The following YBX3 variants were observed in gnomAD, a reference collection of about 807,000 sequenced individuals.
The protein encoded by YBX3 is Y-box binding protein 3.
YBX3 carries 29 observed loss-of-function variants against 42.4 expected under a neutral mutation model. The observed-to-expected ratio is 0.68, with a 90% CI of 0.51 to 0.93. The LOEUF is 0.93. Ranked by LOEUF, YBX3 falls within the 40% of genes least tolerant of loss-of-function variation. YBX3 has a pLI of 0.00. For synonymous variants in YBX3, 195 were observed against 189.8 expected (o/e 1.03, Z -0.22); for missense variants, 517 against 527.5 (o/e 0.98, Z 0.19).
intron 1 of YBX3, among the ~76,000 whole-genome samples, chr12:10,721,603 T>C (rs1274838036): frequency 6.6e-6 from 1 of 152,058 alleles, no homozygotes; most frequent in Non-Finnish European, 1.5e-5. Flanking sequence ...ACAATTAGCA[T>C]GTTGTTTGGT....
chr12:10,703,006 A>G (rs1159158575), intron 7 of YBX3: 1 of 152,198 alleles, frequency 6.6e-6, no homozygotes, highest in African/African-American at 2.4e-5. Context: ...CCAAGATCAC[A>G]TATCCAGGGA....
Position 10,703,913 on chromosome 12 carries a change from T to C in YBX3, c.878+138A>G, listed in dbSNP as rs147803692. 1.3e-3 allele frequency: 989 copies of C among 741,364 alleles called. 4 individuals are homozygous for C. The African/African-American group carries it at 0.016, about 12-fold the overall frequency. 45.9% of individuals were successfully genotyped at this position (741,364 alleles called of 1,614,324 possible). A position where few individuals can be genotyped will look rare whatever the true frequency, so the allele number is the denominator to read the frequency against. On this transcript the variant is annotated intron_variant, in intron 7 of 9. Coordinates refer to ENST00000228251, the MANE Select transcript of YBX3 (RefSeq NM_003651.5). ...AGGTGGGAAATGTCACACCACCACC[T>C]GAAAACTCTGGCATGTAGTCAAAGC...
chr12:10,702,232 T>G (rs1184805583), intron 7 of YBX3, 98 bp from the exon 8 acceptor site: 11 of 1,279,904 alleles, frequency 8.6e-6, no homozygotes, highest in Non-Finnish European at 1.0e-5. Context: ...AAAAGTCAAG[T>G]GATCAGGGCC....
At chr12:10,718,513 C>T (rs1948288815) in intron 2 of YBX3, 2 of 182,244 alleles carry the variant, frequency 1.1e-5, no homozygotes, top group Non-Finnish European at 2.2e-5. Flanking sequence ...TAAAACAGCC[C>T]CCCACCCCCA....
intron 2 of YBX3, 172 bp from the exon 3 acceptor site, chr12:10,718,293 C>T (rs1948285881): frequency 9.7e-6 from 5 of 513,678 alleles, no homozygotes; most frequent in Admixed American, 7.5e-5. Context: ...TTTCTAACTC[C>T]ACAGGCCACC....
chr12:10,712,971 A>C (rs1948216373), intron 5 of YBX3: 1 of 470,616 alleles, frequency 2.1e-6, no homozygotes, highest in Non-Finnish European at 3.6e-6. Context: ...AAATCTCAGA[A>C]ATCACCACTA....
chr12:10,702,135 C>A lies in YBX3; in HGVS notation c.879-1G>T. Reference sequence around the variant, plus strand: ...AGGTCGTGGGCGAGGAGGTCCCCTGCTGTAGGGAACACAGAAGAAAATAGA... The same window carrying A: ...AGGTCGTGGGCGAGGAGGTCCCCTGATGTAGGGAACACAGAAGAAAATAGA... On this transcript the variant is annotated splice_acceptor_variant, in intron 7 of 9. Transcript: ENST00000228251. LOFTEE classifies it high-confidence loss of function. 1.9e-6 allele frequency: 3 copies of A among 1,612,758 alleles called. No homozygotes were observed. Among genetic ancestry groups the A allele is most frequent in the African/African-American group, 1.3e-5 (1 of 74,966 alleles).
rs536926056 is a variant in YBX3, at chr12:10,721,935, T to C, written c.262+915A>G. The stretch of plus-strand genomic sequence containing the variant: ...TTACTTACGAAAAGAACGCTTGTTA[T>C]GTGACTAAACCAACAACCATCACAG... On this transcript the variant is annotated intron_variant, in intron 1 of 9. Transcript: ENST00000228251. The C allele has an allele frequency of 1.6e-4, 24 of 152,392 alleles. 1 individual carries two copies. Among genetic ancestry groups the C allele is most frequent in the African/African-American group, 5.0e-4 (21 of 41,594 alleles). The allele number at this position is 152,392 out of a possible 1,614,324, so 9.4% of individuals were successfully genotyped here.
chr12:10,714,088 CA>C (rs1255138308), intron 4 of YBX3, among the ~76,000 whole-genome samples: 13 of 152,166 alleles, frequency 8.5e-5, no homozygotes, highest in Admixed American at 1.3e-4. Flanking sequence ...GATGGGATAT[CA>C]GAGATCCTCA....
Position 10,723,022 on chromosome 12 carries a change from G to A in YBX3, c.90C>T (p.Pro30=). Residue 30 remains proline (P), a synonymous_variant, in exon 1 of 10, where the codon CCC becomes CCT. Transcript: ENST00000228251. ...CGCTGCCCACCGGGCTCTTGGGCGC[G>A]GGGTCCTGGGGAGCCGCGGCGGCCG... ...TEAAAAAPQD[P]APKSPVGSGA... is the part of the protein sequence containing the mutation. 8.3e-7 allele frequency: 1 copy of A among 1,202,444 alleles called. No individual in the cohort carries two copies. The highest frequency in any genetic ancestry group is 4.1e-5 in the South Asian group (1 of 24,218). 74.5% of individuals were successfully genotyped at this position (1,202,444 alleles called of 1,614,324 possible). A position where few individuals can be genotyped will look rare whatever the true frequency, so the allele number is the denominator to read the frequency against.
At chr12:10,714,857 G>A (rs889916480) in intron 4 of YBX3, among the ~76,000 whole-genome samples, 2 of 151,434 alleles carry the variant, frequency 1.3e-5, no homozygotes, top group Admixed American at 6.6e-5. Context: ...AGGTTCAAAC[G>A]ATTCTCCTGC....
chr12:10,723,294 T>TCG lies in YBX3; in HGVS notation c.-184_-183insCG, dbSNP rs1948358957. The TCG allele has an allele frequency of 5.0e-6, 5 of 994,722 alleles. No individual in the cohort carries two copies. The highest frequency in any genetic ancestry group is 6.3e-6 in the Non-Finnish European group (5 of 790,952). 61.6% of individuals were successfully genotyped at this position (994,722 alleles called of 1,614,324 possible). A position where few individuals can be genotyped will look rare whatever the true frequency, so the allele number is the denominator to read the frequency against. ...GCGGCTCGAGCTTCGTGCTGCGCGC[T>TCG]CTCTCTTGGGCTCCTCGCTCGATCT... On this transcript the variant is annotated 5_prime_UTR_variant, in exon 1 of 10. Coordinates refer to ENST00000228251, the MANE Select transcript of YBX3 (RefSeq NM_003651.5).
In YBX3 at chr12:10,701,389, T is replaced by A. The variant is rs925702039; in HGVS notation, c.1054-36A>T. The stretch of plus-strand genomic sequence containing the variant: ...AAACAAAGCCATAAATCAGATAAAG[T>A]CAGATGACAGTGGAAAGTTCAAGAC... On this transcript the variant is annotated intron_variant, in intron 8 of 9. Transcript: ENST00000228251. 11 of 779,984 alleles carry A rather than the reference T, an allele frequency of 1.4e-5. No individual in the cohort carries two copies. The African/African-American group carries it at 1.5e-4, about 11-fold the overall frequency. 48.3% of individuals were successfully genotyped at this position (779,984 alleles called of 1,614,324 possible).
At chr12:10,705,585 A>C (rs1047946753) in intron 6 of YBX3, among the ~76,000 whole-genome samples, 3 of 152,204 alleles carry the variant, frequency 2.0e-5, no homozygotes, top group African/African-American at 7.2e-5. Flanking sequence ...GCCATTACTG[A>C]TAATGTTCAC....
chr12:10,720,493 G>A (rs766053474), intron 1 of YBX3, among the ~76,000 whole-genome samples: 11 of 150,526 alleles, frequency 7.3e-5, no homozygotes, highest in African/African-American at 1.2e-4. Flanking sequence ...GCCATCTTAC[G>A]TTTGAGGCCA....
At chr12:10,722,328 C>G (rs920053671) in intron 1 of YBX3, 4 of 152,464 alleles carry the variant, frequency 2.6e-5, no homozygotes, top group African/African-American at 7.2e-5. Flanking sequence ...CCTGACCCTT[C>G]CTGGCAAGAA....
chr12:10,723,262 G>C lies in YBX3; in HGVS notation c.-151C>G. 1 of 1,139,590 alleles carries C rather than the reference G, an allele frequency of 8.8e-7. No homozygotes were observed. Among genetic ancestry groups the C allele is most frequent in the Non-Finnish European group, 1.1e-6 (1 of 921,842 alleles). 70.6% of individuals were successfully genotyped at this position (1,139,590 alleles called of 1,614,324 possible). ...GGCGGCGGCCGAGGTGGGGTCGCGC[G>C]GCGGAGGCGGCTCGAGCTTCGTGCT... On this transcript the variant is annotated 5_prime_UTR_variant, in exon 1 of 10. Coordinates refer to ENST00000228251, the MANE Select transcript of YBX3 (RefSeq NM_003651.5).
chr12:10,701,407 T>C lies in YBX3; in HGVS notation c.1054-54A>G, dbSNP rs1017788552. 27 of 769,330 alleles carry C rather than the reference T, an allele frequency of 3.5e-5. No individual in the cohort carries two copies. The East Asian group carries it at 6.3e-4, about 18-fold the overall frequency. 47.7% of individuals were successfully genotyped at this position (769,330 alleles called of 1,614,324 possible). On this transcript the variant is annotated intron_variant, in intron 8 of 9. Transcript: ENST00000228251. ...GATAAAGTCAGATGACAGTGGAAAG[T>C]TCAAGACTGAAAGTTCTTAAAAGTT...
chr12:10,701,414 C>T, intron 8 of YBX3, 61 bp from the exon 9 acceptor site: 1 of 771,228 alleles, frequency 1.3e-6, no homozygotes, highest in Non-Finnish European at 2.4e-6. Context: ...AAGTTCAAGA[C>T]TGAAAGTTCT....
Sources: allele counts gnomAD v4.1 joint callset (sites outside exome capture counted in the v4.1 genomes callset), GRCh38; gene constraint gnomAD v4.1.1; transcripts MANE v1.5; gene names NCBI Gene and HGNC (gene_info 2026-07-23, HGNC 2026-07-21).